PARD3B: variants seen among roughly 807,000 people sequenced by gnomAD.
PARD3B encodes par-3 family cell polarity regulator beta, also known as partitioning defective 3 homolog B.
In PARD3B, 103 loss-of-function variants were observed where a neutral mutation model predicts 130.2. That is an observed-to-expected ratio of 0.79 (90% CI 0.67 to 0.93). The LOEUF (loss-of-function observed/expected upper bound fraction) is 0.93. Among genes scored for constraint, PARD3B ranks in the 40% least tolerant of loss-of-function variants. The pLI is 0.00. For missense variants in PARD3B, 1,609 were observed against 1,499.2 expected (o/e 1.07, Z -1.21); for synonymous variants, 583 against 553.2 (o/e 1.05, Z -0.76).
intron 11 of PARD3B, among the ~76,000 whole-genome samples, chr2:205,162,689 G>T (rs2034571715): frequency 6.6e-6 from 1 of 152,192 alleles, no homozygotes; most frequent in South Asian, 2.1e-4. Context: ...GAATTTATGT[G>T]GTAGTGCTGT....
At chr2:204,778,118 T>A (rs1438464026) in intron 2 of PARD3B, among the ~76,000 whole-genome samples, 1 of 147,304 alleles carries the variant, frequency 6.8e-6, no homozygotes, top group Non-Finnish European at 1.5e-5. Context: ...TTTATAGCAA[T>A]GTGAGAATGG....
chr2:204,925,314 A>G (rs958780989), intron 2 of PARD3B, among the ~76,000 whole-genome samples: 4 of 152,110 alleles, frequency 2.6e-5, no homozygotes, highest in Non-Finnish European at 4.4e-5. Context: ...AGAGAAATAA[A>G]TCAATTTTTA....
At chr2:204,589,494 A>G (rs924339169) in intron 1 of PARD3B, among the ~76,000 whole-genome samples, 2 of 152,188 alleles carry the variant, frequency 1.3e-5, no homozygotes, top group African/African-American at 4.8e-5. Context: ...ACTTTTATCT[A>G]TTTCACTTGC....
At chr2:204,883,417 A>AT (rs1553547342) in intron 2 of PARD3B, among the ~76,000 whole-genome samples, 2 of 105,906 alleles carry the variant, frequency 1.9e-5, no homozygotes, top group African/African-American at 9.1e-5. Context: ...ATATATATAT[A>AT]ATATATATAT....
At chr2:205,016,641 C>G (rs1440343469) in intron 3 of PARD3B, among the ~76,000 whole-genome samples, 2 of 152,190 alleles carry the variant, frequency 1.3e-5, no homozygotes, top group Non-Finnish European at 2.9e-5. Context: ...GGTCCTAAGG[C>G]TTCTTCTGAA....
intron 18 of PARD3B, chr2:205,348,268 T>C (rs550826325): frequency 5.9e-5 from 9 of 152,370 alleles, no homozygotes; most frequent in African/African-American, 1.9e-4. Context: ...TATATCTTCA[T>C]CACTTGTGCT....
chr2:204,965,374 C>T, intron 3 of PARD3B, 51 bp downstream of exon 3: 1 of 1,533,532 alleles, frequency 6.5e-7, no homozygotes, highest in Non-Finnish European at 8.9e-7. Flanking sequence ...GATCCGTCAT[C>T]TTGTTGATTA....
intron 20 of PARD3B, among the ~76,000 whole-genome samples, chr2:205,471,353 CTTTTTTT>C (rs769669913): frequency 1.5e-3 from 125 of 85,404 alleles, no homozygotes; most frequent in South Asian, 2.3e-3. Context: ...ACTCACTTTT[CTTTTTTT>C]TTTTTTTTTT....
intron 2 of PARD3B, among the ~76,000 whole-genome samples, chr2:204,884,903 T>C (rs1268615417): frequency 6.6e-6 from 1 of 152,212 alleles, no homozygotes; most frequent in Non-Finnish European, 1.5e-5. Context: ...GTTGATTCCA[T>C]GTCTTTGCTA....
chr2:205,055,820 AT>A (rs1220713509), intron 4 of PARD3B, among the ~76,000 whole-genome samples: 3 of 152,106 alleles, frequency 2.0e-5, no homozygotes, highest in East Asian at 3.9e-4. Context: ...ACCAATAATC[AT>A]TTTTTATTGG....
chr2:204,721,501 T>C (rs556508705), intron 2 of PARD3B, among the ~76,000 whole-genome samples: 1 of 152,298 alleles, frequency 6.6e-6, no homozygotes, highest in East Asian at 1.9e-4. Context: ...TCTACATTTT[T>C]ATGAAAATGT....
intron 21 of PARD3B, among the ~76,000 whole-genome samples, chr2:205,522,346 AT>A (rs1246071168): frequency 3.9e-3 from 596 of 151,964 alleles, no homozygotes; most frequent in African/African-American, 0.014. Flanking sequence ...AGAATGATTT[AT>A]ATGATCTTTA....
rs1324709482 is a variant in PARD3B, at chr2:205,558,704, TGCC to T, written c.3260+5302_3260+5304del. ...GTCTCCTCCATTCCTGCCAATTCAA[TGCC>T]CGTCTCTATGATGATTCCAAAAGTA... On this transcript the variant is annotated intron_variant, in intron 22 of 22. Coordinates refer to ENST00000406610, the MANE Select transcript of PARD3B (RefSeq NM_001302769.2). The surrounding 1 kb of genome is among the most constrained non-coding windows in gnomAD (Gnocchi z 4.8). Among the ~76,000 whole-genome samples the T allele has an allele frequency of 6.6e-6, 1 of 152,146 alleles. No homozygotes were observed. Among genetic ancestry groups the T allele is most frequent in the Non-Finnish European group, 1.5e-5 (1 of 68,030 alleles).
intron 2 of PARD3B, among the ~76,000 whole-genome samples, chr2:204,862,833 T>C (rs996659301): frequency 3.6e-4 from 55 of 152,262 alleles, no homozygotes; most frequent in Middle Eastern, 3.4e-3. Flanking sequence ...ACAGAACTTA[T>C]TGGGCAAATA....
At chr2:205,334,061 G>A (rs2043226410) in intron 18 of PARD3B, among the ~76,000 whole-genome samples, 1 of 152,258 alleles carries the variant, frequency 6.6e-6, no homozygotes, top group Admixed American at 6.5e-5. Context: ...AGTGATTGGA[G>A]AATGATTGAG....
chr2:205,499,791 G>T, intron 20 of PARD3B, 105 bp from the exon 21 acceptor site: 3 of 1,244,848 alleles, frequency 2.4e-6, no homozygotes, highest in East Asian at 2.4e-5. Context: ...TTACATTATT[G>T]AATCTTCCAA....
chr2:204,859,995 A>AT (rs1339629301), intron 2 of PARD3B, among the ~76,000 whole-genome samples: 3 of 152,232 alleles, frequency 2.0e-5, no homozygotes, highest in Non-Finnish European at 2.9e-5. Flanking sequence ...TGTTAATAAC[A>AT]TTCATCTGAA....
intron 18 of PARD3B, among the ~76,000 whole-genome samples, chr2:205,319,984 G>A (rs956648520): frequency 7.9e-5 from 12 of 152,138 alleles, no homozygotes; most frequent in African/African-American, 2.4e-4. Flanking sequence ...TTCAAGACCA[G>A]CCTGGCCAAT....
chr2:205,172,657 A>G (rs145210910), intron 12 of PARD3B, among the ~76,000 whole-genome samples: 1 of 152,334 alleles, frequency 6.6e-6, no homozygotes, highest in East Asian at 1.9e-4. Context: ...ACATCTTTAT[A>G]TACTTTTTTG....
Sources: allele counts gnomAD v4.1 joint callset (sites outside exome capture counted in the v4.1 genomes callset), GRCh38; gene constraint gnomAD v4.1.1; non-coding constraint Gnocchi (gnomAD v3.1); transcripts MANE v1.5; gene names NCBI Gene and HGNC (gene_info 2026-07-23, HGNC 2026-07-21).